ABCC3: variants seen among roughly 807,000 people sequenced by gnomAD.
The protein encoded by ABCC3 is ATP-binding cassette sub-family C member 3.
ABCC3 carries 121 observed loss-of-function variants against 165.3 expected under a neutral mutation model. That is an observed-to-expected ratio of 0.73 (90% CI 0.63 to 0.85). The LOEUF (loss-of-function observed/expected upper bound fraction) is 0.85, where lower values mean the gene tolerates loss of function less well. Among genes scored for constraint, ABCC3 ranks in the 40% least tolerant of loss-of-function variants. ABCC3 has a pLI of 0.00. For missense variants in ABCC3, 1,869 were observed against 1,964.1 expected, an observed-to-expected ratio of 0.95 and a Z score of 0.92; for synonymous variants, 733 against 810.1, an observed-to-expected ratio of 0.90 and a Z score of 1.62.
chr17:50,691,669 G>A lies in ABCC3; in HGVS notation c.*469G>A, dbSNP rs769281419. On this transcript the variant is annotated 3_prime_UTR_variant, in exon 31 of 31. Coordinates refer to ENST00000285238, the MANE Select transcript of ABCC3 (RefSeq NM_003786.4). ...CTGCCTGAATCCATTAAAAATGGGA[G>A]TACTGATGAAATAAAACTACATGGT... 1.2e-4 allele frequency: 20 copies of A among 165,274 alleles called. No individual in the cohort carries two copies. The highest frequency in any genetic ancestry group is 2.3e-4 in the Admixed American group (4 of 17,410). The allele number at this position is 165,274 out of a possible 1,614,324, so 10.2% of individuals were successfully genotyped here. A position where few individuals can be genotyped will look rare whatever the true frequency, so the allele number is the denominator to read the frequency against.
chr17:50,635,563 G>T, intron 1 of ABCC3: 1 of 702,572 alleles, frequency 1.4e-6, no homozygotes, highest in Non-Finnish European at 2.6e-6. Context: ...CCACCACTCC[G>T]GACTCAGAAG....
chr17:50,667,472 A>C, intron 11 of ABCC3, 82 bp from the exon 12 acceptor site: 1 of 1,256,202 alleles, frequency 8.0e-7, no homozygotes, highest in Non-Finnish European at 1.1e-6. Flanking sequence ...AATGGATGAG[A>C]ATGGATGGAA....
In ABCC3 at chr17:50,658,439, C is replaced by G; in HGVS notation, c.617C>G (p.Pro206Arg). 6.2e-7 allele frequency: 1 copy of G among 1,614,052 alleles called. No individual in the cohort carries two copies. Among genetic ancestry groups the G allele is most frequent in the African/African-American group, 1.3e-5 (1 of 75,050 alleles). ...FFSAKNVDPNPYPETSAGFLS... is the reference protein window; with the variant it reads ...FFSAKNVDPNRYPETSAGFLS... ...TCCTATTCTCTCGCCTTCTAGAACCCCTACCCTGAGACCAGCGCTGGCTTT... is the reference window on the plus strand; with the variant it reads ...TCCTATTCTCTCGCCTTCTAGAACCGCTACCCTGAGACCAGCGCTGGCTTT... The change falls in exon 6 of 31, where the codon CCC becomes CGC. Residue 206 changes from proline (P) to arginine (R), a missense_variant. Coordinates refer to ENST00000285238, the MANE Select transcript of ABCC3 (RefSeq NM_003786.4).
intron 29 of ABCC3, among the ~76,000 whole-genome samples, chr17:50,686,805 G>A (rs527243533): frequency 1.7e-4 from 26 of 152,244 alleles, no homozygotes; most frequent in African/African-American, 5.8e-4. Flanking sequence ...CATTAGTTGC[G>A]GGAATGGGCC....
chr17:50,665,471 G>T (rs1352018750), intron 11 of ABCC3, among the ~76,000 whole-genome samples: 1 of 152,226 alleles, frequency 6.6e-6, no homozygotes, highest in East Asian at 1.9e-4. Flanking sequence ...AATAATGGCA[G>T]TCCAGAATCA....
intron 1 of ABCC3, among the ~76,000 whole-genome samples, chr17:50,645,187 C>T (rs1966979994): frequency 6.8e-6 from 1 of 146,634 alleles, no homozygotes; most frequent in Non-Finnish European, 1.5e-5. Flanking sequence ...GGTGACAGAG[C>T]GAGACTTGGC....
chr17:50,681,162 C>T (rs1476732570), intron 26 of ABCC3, among the ~76,000 whole-genome samples: 2 of 152,098 alleles, frequency 1.3e-5, no homozygotes, highest in Non-Finnish European at 2.9e-5. Flanking sequence ...GCTTTGCTTC[C>T]CCAAGAAGCC....
chr17:50,677,801 C>A lies in ABCC3; in HGVS notation c.3436C>A (p.Pro1146Thr). 1 of 1,614,150 alleles carries A rather than the reference C, an allele frequency of 6.2e-7. No individual in the cohort carries two copies. Among genetic ancestry groups the A allele is most frequent in the East Asian group, 2.2e-5 (1 of 44,882 alleles). Residue 1146 changes from proline to threonine, a missense_variant, in exon 24 of 31, where the codon CCT becomes ACT. Coordinates refer to ENST00000285238, the MANE Select transcript of ABCC3 (RefSeq NM_003786.4). ...GCGGCTGGAATCAGTCAGCCGCTCA[C>A]CTATCTACTCCCACTTTTCGGAGAC... ...LKRLESVSRSPIYSHFSETVT... is the reference protein window; with the variant it reads ...LKRLESVSRSTIYSHFSETVT...
chr17:50,653,745 C>T (rs1449329354), intron 1 of ABCC3, among the ~76,000 whole-genome samples: 3 of 143,608 alleles, frequency 2.1e-5, no homozygotes, highest in South Asian at 2.3e-4. Context: ...AAGAGTGAAA[C>T]GCCATCTCAA....
At chr17:50,635,221 G>C in intron 1 of ABCC3, 1 of 628,042 alleles carries the variant, frequency 1.6e-6, no homozygotes. Flanking sequence ...GCAGCACTGG[G>C]GAGCCCGGGA....
intron 1 of ABCC3, among the ~76,000 whole-genome samples, chr17:50,646,838 A>C (rs34221557): frequency 0.45 from 68,277 of 152,114 alleles, 15,945 homozygotes; most frequent in Non-Finnish European, 0.51. Context: ...AGAGGTTAAG[A>C]ACCTGGGTCA....
chr17:50,649,903 G>A (rs1003251307), intron 1 of ABCC3, among the ~76,000 whole-genome samples: 6 of 152,114 alleles, frequency 3.9e-5, no homozygotes, highest in African/African-American at 1.4e-4. Flanking sequence ...TTTTAATAGC[G>A]AGTTCTCAGT....
intron 23 of ABCC3, 28 bp from the exon 24 acceptor site, chr17:50,677,716 G>T: frequency 6.2e-7 from 1 of 1,608,204 alleles, no homozygotes; most frequent in South Asian, 1.1e-5. Context: ...CCATGGCCCT[G>T]ACCCCAAACT....
chr17:50,673,907 T>TCTTTCTTTCTTC (rs1967707740), intron 19 of ABCC3, among the ~76,000 whole-genome samples: 5 of 10,936 alleles, frequency 4.6e-4, no homozygotes, highest in African/African-American at 2.4e-3. Flanking sequence ...CTGTTTTCTT[T>TCTTTCTTTCTTC]CTTTCTTTCT....
chr17:50,687,400 TG>T, intron 29 of ABCC3, 135 bp from the exon 30 acceptor site: 1 of 808,168 alleles, frequency 1.2e-6, no homozygotes, highest in Non-Finnish European at 1.9e-6. Context: ...TCTGGAGGGC[TG>T]GGCTGTGGCA....
intron 8 of ABCC3, chr17:50,663,479 G>A (rs1597851250): frequency 1.6e-6 from 1 of 606,432 alleles, no homozygotes; most frequent in Non-Finnish European, 2.9e-6. Context: ...GATAGAGAAC[G>A]AGGTGAAGGC....
At chr17:50,648,581 A>G (rs1967049480) in intron 1 of ABCC3, among the ~76,000 whole-genome samples, 1 of 152,138 alleles carries the variant, frequency 6.6e-6, no homozygotes, top group African/African-American at 2.4e-5. Flanking sequence ...GTCTTCCCTA[A>G]AGGACCAGGT....
chr17:50,641,667 C>G (rs929258399), intron 1 of ABCC3, among the ~76,000 whole-genome samples: 1 of 152,198 alleles, frequency 6.6e-6, no homozygotes, highest in Non-Finnish European at 1.5e-5. Flanking sequence ...CTCTAAGCAA[C>G]AGGAAATACC....
At position 50,684,874 on chromosome 17, in the gene ABCC3, A is replaced by G; in HGVS notation, c.4279A>G (p.Ser1427Gly). 1.2e-6 allele frequency: 2 copies of G among 1,612,250 alleles called. No homozygotes were observed. The highest frequency in any genetic ancestry group is 8.5e-7 in the Non-Finnish European group (1 of 1,178,442). The change falls in exon 29 of 31, where the codon AGC (serine) becomes GGC (glycine). Residue 1427 changes from serine (S) to glycine (G), a missense_variant and splice_region_variant. Physicochemically the swap from Ser to Gly is moderately conservative, Grantham distance 56. Transcript: ENST00000285238. ...GTGCTCAGAGGGCGGGGAGAATCTC[A>G]GGTAAACACTGGGAGTGCAGAGGTC... ...FQCSEGGENLSVGQRQLVCLA... is the reference protein window; with the variant it reads ...FQCSEGGENLGVGQRQLVCLA...
Sources: gnomAD v4.1 joint callset for allele counts (sites outside exome capture counted in the v4.1 genomes callset) on GRCh38, gnomAD v4.1.1 for gene constraint, MANE v1.5 for transcripts, NCBI Gene and HGNC (gene_info 2026-07-23, HGNC 2026-07-21) for gene names.